Variants in SNX29 observed in about 807,000 individuals in gnomAD.
SNX29 encodes the protein sorting nexin 29.
In SNX29, 78 loss-of-function variants were observed where a neutral mutation model predicts 102.1. That is an observed-to-expected ratio of 0.76 (90% CI 0.64 to 0.92). The LOEUF (loss-of-function observed/expected upper bound fraction) is 0.92. Among genes scored for constraint, SNX29 ranks in the 40% least tolerant of loss-of-function variants. SNX29 has a pLI of 0.00. For synonymous variants in SNX29, 580 were observed against 414.5 expected (o/e 1.40, Z -4.85); for missense variants, 1,280 against 1,061.7 (o/e 1.21, Z -2.86).
At chr16:12,088,498 G>GT (rs1284059063) in intron 11 of SNX29, among the ~76,000 whole-genome samples, 2 of 152,186 alleles carry the variant, frequency 1.3e-5, no homozygotes, top group Admixed American at 6.5e-5. Flanking sequence ...CTCAGGGAGC[G>GT]TAAGGACATT....
chr16:12,551,089 T>C (rs916177650), intron 20 of SNX29, among the ~76,000 whole-genome samples: 1 of 152,142 alleles, frequency 6.6e-6, no homozygotes, highest in Non-Finnish European at 1.5e-5. Flanking sequence ...TGATCCTCTC[T>C]TTGCTTGGAT....
intron 6 of SNX29, among the ~76,000 whole-genome samples, 173 bp downstream of exon 6, chr16:12,046,627 G>C (rs1641838): frequency 2.6e-5 from 4 of 151,820 alleles, no homozygotes; most frequent in Non-Finnish European, 5.9e-5. Context: ...TTTTTAATTT[G>C]TATTCCTTTA....
At chr16:12,278,916 GT>G (rs1361912662) in intron 15 of SNX29, among the ~76,000 whole-genome samples, 1 of 152,088 alleles carries the variant, frequency 6.6e-6, no homozygotes, top group Non-Finnish European at 1.5e-5. Context: ...AATTATCTTG[GT>G]AGGAAATGAA....
chr16:12,279,589 G>A (rs1274555209), intron 15 of SNX29, among the ~76,000 whole-genome samples: 3 of 152,334 alleles, frequency 2.0e-5, no homozygotes, highest in South Asian at 4.1e-4. Context: ...TCTGGGCCAT[G>A]AGTCTGTGCC....
In SNX29 at chr16:12,569,668, G is replaced by T. The variant is rs2079144165; in HGVS notation, c.*1039G>T. On this transcript the variant is annotated 3_prime_UTR_variant, in exon 21 of 21. Transcript: ENST00000566228. Reference sequence around the variant, plus strand: ...GTCCTCTGTTCCTCCCATGTCAGGTGGCTCTCAGAGTACAGGGACCTTGGC... The same window carrying T: ...GTCCTCTGTTCCTCCCATGTCAGGTTGCTCTCAGAGTACAGGGACCTTGGC... 4 of 229,900 alleles carry T rather than the reference G, an allele frequency of 1.7e-5. No individual in the cohort carries two copies. Among genetic ancestry groups the T allele is most frequent in the African/African-American group, 2.2e-5 (1 of 45,244 alleles). The allele number at this position is 229,900 out of a possible 1,614,324, so 14.2% of individuals were successfully genotyped here. A position where few individuals can be genotyped will look rare whatever the true frequency, so the allele number is the denominator to read the frequency against.
chr16:12,523,915 T>G (rs2090196050), intron 19 of SNX29, among the ~76,000 whole-genome samples: 1 of 152,102 alleles, frequency 6.6e-6, no homozygotes, highest in Non-Finnish European at 1.5e-5. Flanking sequence ...AGATGGAGTT[T>G]CGCTCTTGTT....
chr16:12,526,945 C>A (rs1333021938), intron 20 of SNX29: 2 of 387,578 alleles, frequency 5.2e-6, no homozygotes, highest in Non-Finnish European at 4.9e-6. Flanking sequence ...ACCTTTTGTG[C>A]CTAATTAGCA....
chr16:12,343,499 T>C (rs168831), intron 15 of SNX29, among the ~76,000 whole-genome samples: 7,903 of 152,270 alleles, frequency 0.052, 307 homozygotes, highest in African/African-American at 0.11. Flanking sequence ...TGGGAGCAGA[T>C]GAATGATGGG....
intron 17 of SNX29, 87 bp downstream of exon 17, chr16:12,398,588 CAG>C (rs1419686861): frequency 1.7e-5 from 25 of 1,467,520 alleles, no homozygotes; most frequent in Non-Finnish European, 2.4e-5. Context: ...CAGGGGGAAA[CAG>C]AAATCACTGT....
At chr16:12,496,167 C>G (rs1225257230) in intron 19 of SNX29, among the ~76,000 whole-genome samples, 1 of 152,202 alleles carries the variant, frequency 6.6e-6, no homozygotes, top group African/African-American at 2.4e-5. Flanking sequence ...AAAGGTCACA[C>G]TCATTTGTAG....
In SNX29 at chr16:12,121,139, G is replaced by A. The variant is rs188344862; in HGVS notation, c.1403-5494G>A. On this transcript the variant is annotated intron_variant, in intron 11 of 20. Coordinates refer to ENST00000566228, the MANE Select transcript of SNX29 (RefSeq NM_032167.5). The stretch of plus-strand genomic sequence containing the variant: ...ACGTGTGTTCTGTGCTGGGCACTGG[G>A]GCCCCGGTACTCAAGTGACCCACAG... 5.3e-5 allele frequency among the ~76,000 whole-genome samples: 8 copies of A among 152,330 alleles called. No homozygotes were observed. In the East Asian group the frequency reaches 9.7e-4, roughly 18 times the overall value.
chr16:12,393,405 C>T (rs1456850032), intron 16 of SNX29, among the ~76,000 whole-genome samples: 1 of 139,022 alleles, frequency 7.2e-6, no homozygotes, highest in Non-Finnish European at 1.6e-5. Context: ...TGCATGCATG[C>T]ATGCATGCAT....
At chr16:12,419,100 C>T (rs191050762) in intron 18 of SNX29, among the ~76,000 whole-genome samples, 44 of 152,262 alleles carry the variant, frequency 2.9e-4, no homozygotes, top group Admixed American at 1.0e-3. Flanking sequence ...ACAGCGCCAC[C>T]GTTGAGAAAC....
chr16:12,335,531 C>T (rs1248665492), intron 15 of SNX29, among the ~76,000 whole-genome samples: 1 of 152,080 alleles, frequency 6.6e-6, no homozygotes, highest in African/African-American at 2.4e-5. Flanking sequence ...AAAAAATTAG[C>T]TGGGCATGGT....
chr16:12,133,715 A>G (rs754562897), intron 13 of SNX29, among the ~76,000 whole-genome samples: 2 of 152,224 alleles, frequency 1.3e-5, no homozygotes, highest in Non-Finnish European at 2.9e-5. Flanking sequence ...AATGTTAACT[A>G]TCATTATCGT....
At chr16:12,328,265 G>A (rs2081183345) in intron 15 of SNX29, among the ~76,000 whole-genome samples, 1 of 152,188 alleles carries the variant, frequency 6.6e-6, no homozygotes, top group Non-Finnish European at 1.5e-5. Context: ...CCCTCAGCCA[G>A]CGATGTTTCT....
chr16:12,563,256 C>G (rs1292480858), intron 20 of SNX29, among the ~76,000 whole-genome samples: 2 of 152,130 alleles, frequency 1.3e-5, no homozygotes, highest in African/African-American at 2.4e-5. Context: ...TGACCCCGCC[C>G]AGGTAGCAGA....
chr16:12,202,549 T>G (rs1177291687), intron 14 of SNX29, among the ~76,000 whole-genome samples: 3 of 152,254 alleles, frequency 2.0e-5, no homozygotes, highest in East Asian at 1.9e-4. Context: ...GGAACTTGCC[T>G]GGCAATTCCA....
At chr16:12,530,775 C>G (rs1597769163) in intron 20 of SNX29, among the ~76,000 whole-genome samples, 4 of 152,280 alleles carry the variant, frequency 2.6e-5, no homozygotes, top group South Asian at 2.1e-4. Flanking sequence ...AGGAGTGTCT[C>G]AAACTCCTGA....
Sources: gnomAD v4.1 joint callset for allele counts (sites outside exome capture counted in the v4.1 genomes callset) on GRCh38, gnomAD v4.1.1 for gene constraint, MANE v1.5 for transcripts, NCBI Gene and HGNC (gene_info 2026-07-23, HGNC 2026-07-21) for gene names.